Variants in ETFB observed in about 807,000 individuals in gnomAD.
ETFB encodes the protein electron transfer flavoprotein subunit beta.
A neutral mutation model predicts 25.6 loss-of-function variants in ETFB; 20 were observed. The observed-to-expected ratio is 0.78, with a 90% CI of 0.55 to 1.14. ETFB has a LOEUF of 1.14. ETFB is among the 50% of genes most tolerant of loss of function. The probability of loss-of-function intolerance (pLI) is 0.00; values close to 1 mark genes in which losing one functional copy is unlikely to be tolerated. For synonymous variants in ETFB, 142 were observed against 146.7 expected (o/e 0.97, Z 0.23); for missense variants, 286 against 342.6 (o/e 0.83, Z 1.30).
chr19:51,357,418 G>A (rs866404110), intron 1 of ETFB, among the ~76,000 whole-genome samples: 1 of 141,462 alleles, frequency 7.1e-6, no homozygotes, highest in Non-Finnish European at 1.6e-5. Context: ...TCAGGTGCCA[G>A]GGATTGAAAC....
intron 1 of ETFB, among the ~76,000 whole-genome samples, chr19:51,364,466 G>C (rs1986303611): frequency 6.6e-6 from 1 of 152,202 alleles, no homozygotes. Flanking sequence ...GAGCACACCA[G>C]AGACATCCAT....
At chr19:51,352,808 A>G (rs1985961540) in intron 3 of ETFB, among the ~76,000 whole-genome samples, 1 of 152,012 alleles carries the variant, frequency 6.6e-6, no homozygotes, top group African/African-American at 2.4e-5. Context: ...TTATATTTTT[A>G]GAAGAGATGG....
chr19:51,350,085 G>C (rs1985894250), intron 4 of ETFB: 18 of 483,616 alleles, frequency 3.7e-5, no homozygotes, highest in South Asian at 3.6e-4. Flanking sequence ...CAGAGATGGG[G>C]ACTGGGGAAC....
chr19:51,365,671 A>T (rs73560177), intron 1 of ETFB: 2,578 of 159,536 alleles, frequency 0.016, 29 homozygotes, highest in Admixed American at 0.029. Context: ...TTTCATGGAG[A>T]ATGTGAGCTA....
At chr19:51,355,873 A>C (rs1986066735) in intron 1 of ETFB, 1 of 145,346 alleles carries the variant, frequency 6.9e-6, no homozygotes, top group South Asian at 2.2e-4. Context: ...GTTCTCACTC[A>C]TAGGTGGGAA....
At chr19:51,354,361 G>C (rs756659613) in intron 1 of ETFB, 53 bp from the exon 2 acceptor site, 2 of 1,605,362 alleles carry the variant, frequency 1.2e-6, no homozygotes, top group South Asian at 2.2e-5. Context: ...GCAAGAAGGT[G>C]GGGGCCTCAG....
At chr19:51,360,944 C>T (rs1411937876) in intron 1 of ETFB, among the ~76,000 whole-genome samples, 2 of 152,106 alleles carry the variant, frequency 1.3e-5, no homozygotes, top group Non-Finnish European at 2.9e-5. Context: ...TGCCACCACG[C>T]CTGGCTAATT....
At chr19:51,356,170 G>C (rs1394472096) in intron 1 of ETFB, 2 of 151,840 alleles carry the variant, frequency 1.3e-5, no homozygotes, top group Non-Finnish European at 2.9e-5. Flanking sequence ...ACCCGCTTGG[G>C]CTTCCCTCTC....
In ETFB at chr19:51,346,747, ACTCT is replaced by A. The variant is rs776317594; in HGVS notation, c.597+149_597+152del. 2.0e-4 allele frequency: 143 copies of A among 722,252 alleles called. 1 individual carries two copies. The highest frequency in any genetic ancestry group is 4.6e-4 in the South Asian group (25 of 54,890). 44.7% of individuals were successfully genotyped at this position (722,252 alleles called of 1,614,324 possible). ...AGTATTGGCAGAGATGACCCAGCAA[ACTCT>A]CTCTATCAGCCAAACTCCAGGTGAC... On this transcript the variant is annotated intron_variant, in intron 5 of 5. Transcript: ENST00000309244.
At chr19:51,359,901 C>T (rs1234872820) in intron 1 of ETFB, among the ~76,000 whole-genome samples, 1 of 151,740 alleles carries the variant, frequency 6.6e-6, no homozygotes, top group Non-Finnish European at 1.5e-5. Flanking sequence ...ACCTGTAGTC[C>T]CAGCTACTGA....
rs8112785 is a variant in ETFB at position 51,347,231 on chromosome 19, T to C, written c.439-173A>G. 0.53 allele frequency: 349,070 copies of C among 663,162 alleles called. 94,588 individuals are homozygous for C. Among genetic ancestry groups the C allele is most frequent in the Non-Finnish European group, 0.57 (216,366 of 379,874 alleles). The allele number at this position is 663,162 out of a possible 1,614,324, so 41.1% of individuals were successfully genotyped here. ...AGCTTGTACACCTGGGAGAGGGTCTTTTTCCTTTCCCTGAGAGCCACGGTG... is the reference window on the plus strand; with the variant it reads ...AGCTTGTACACCTGGGAGAGGGTCTCTTTCCTTTCCCTGAGAGCCACGGTG... On this transcript the variant is annotated intron_variant, in intron 4 of 5. Coordinates refer to ENST00000309244, the MANE Select transcript of ETFB (RefSeq NM_001985.3).
intron 1 of ETFB, chr19:51,355,517 T>C (rs927343191): frequency 6.6e-6 from 1 of 152,204 alleles, no homozygotes; most frequent in African/African-American, 2.4e-5. Context: ...GTTCAACCAT[T>C]GTGGAAGTCG....
chr19:51,355,711 G>C lies in ETFB; in HGVS notation c.58-1403C>G, dbSNP rs544248640. 2.2e-4 allele frequency: 33 copies of C among 152,048 alleles called. No homozygotes were observed. The East Asian group carries it at 4.8e-3, about 22-fold the overall frequency. The allele number at this position is 152,048 out of a possible 1,614,324, so 9.4% of individuals were successfully genotyped here. A position where few individuals can be genotyped will look rare whatever the true frequency, so the allele number is the denominator to read the frequency against. ...CCAACCCAAATGTCCAACAATGATA[G>C]ACTGGATTAAGAAAATGTGGCACAT... On this transcript the variant is annotated intron_variant, in intron 1 of 5. Coordinates refer to ENST00000309244, the MANE Select transcript of ETFB (RefSeq NM_001985.3).
intron 3 of ETFB, among the ~76,000 whole-genome samples, chr19:51,352,119 C>T (rs1292451127): frequency 6.6e-6 from 1 of 152,020 alleles, no homozygotes; most frequent in African/African-American, 2.4e-5. Flanking sequence ...TGGGGAGCAC[C>T]AGTGTGGCAG....
chr19:51,358,813 C>T (rs1020988006), intron 1 of ETFB, among the ~76,000 whole-genome samples: 12 of 133,868 alleles, frequency 9.0e-5, no homozygotes, highest in South Asian at 2.8e-4. Flanking sequence ...CGCCTCAAAA[C>T]AAACAAACAA....
intron 4 of ETFB, 132 bp from the exon 5 acceptor site, chr19:51,347,190 A>T: frequency 1.1e-6 from 1 of 923,860 alleles, no homozygotes. Flanking sequence ...GCAGGGTCCC[A>T]TGAGGTTTAG....
At chr19:51,360,075 C>A (rs1050529904) in intron 1 of ETFB, among the ~76,000 whole-genome samples, 1 of 151,570 alleles carries the variant, frequency 6.6e-6, no homozygotes, top group Admixed American at 6.6e-5. Context: ...TGCTGGCTTT[C>A]TCTTAAAGAG....
intron 1 of ETFB, chr19:51,365,574 G>A (rs1986337093): frequency 6.5e-6 from 1 of 154,784 alleles, no homozygotes; most frequent in Admixed American, 6.3e-5. Context: ...AAACGGGCCT[G>A]AGAGACCGTG....
At chr19:51,354,783 C>A in intron 1 of ETFB, 1 of 896,364 alleles carries the variant, frequency 1.1e-6, no homozygotes, top group Non-Finnish European at 1.7e-6. Flanking sequence ...CAGCTACAGG[C>A]AACAATAGAG....
Sources: allele counts gnomAD v4.1 joint callset (sites outside exome capture counted in the v4.1 genomes callset), GRCh38; gene constraint gnomAD v4.1.1; transcripts MANE v1.5; gene names NCBI Gene and HGNC (gene_info 2026-07-23, HGNC 2026-07-21).